The following EP300 variants were observed in gnomAD, a reference collection of about 807,000 sequenced individuals.
The protein encoded by EP300 is histone acetyltransferase p300.
A neutral mutation model predicts 264.0 loss-of-function variants in EP300; 31 were observed. The ratio of observed to expected loss-of-function variants is 0.12; its 90% CI spans 0.09 to 0.16. The LOEUF (loss-of-function observed/expected upper bound fraction) is 0.16, where lower values mean the gene tolerates loss of function less well. Ranked by LOEUF, EP300 falls within the 10% of genes least tolerant of loss-of-function variation. The pLI is 1.00. For synonymous variants in EP300, 1,340 were observed against 1,045.4 expected, an observed-to-expected ratio of 1.28 and a Z score of -5.44; for missense variants, 2,766 against 3,052.9, an observed-to-expected ratio of 0.91 and a Z score of 2.21.
chr22:41,160,536 T>C, intron 19 of EP300, 106 bp from the exon 20 acceptor site: 2 of 948,752 alleles, frequency 2.1e-6, no homozygotes, highest in Non-Finnish European at 3.4e-6. Flanking sequence ...TGCTCTCTGC[T>C]CCCGTCCCCC....
chr22:41,167,582 GTGTA>G (rs1452940891), intron 23 of EP300, among the ~76,000 whole-genome samples: 34 of 21,676 alleles, frequency 1.6e-3, no homozygotes, highest in African/African-American at 3.0e-3. Flanking sequence ...GTGTGTGTGT[GTGTA>G]TATATATATA....
At chr22:41,152,494 T>C in intron 16 of EP300, 144 bp downstream of exon 16, 1 of 877,336 alleles carries the variant, frequency 1.1e-6, no homozygotes, top group Non-Finnish European at 1.7e-6. Context: ...GTCTCTTCAT[T>C]GTTACTAATA....
chr22:41,165,582 C>G (rs954052242), intron 22 of EP300, among the ~76,000 whole-genome samples: 4 of 151,740 alleles, frequency 2.6e-5, no homozygotes. Context: ...TGCCACCATG[C>G]CCGGCTAATT....
rs372523012 is a variant in EP300, at chr22:41,150,839, C to T, written c.2817+641C>T. ...CTGGGAGGTGGAGGTTGCAGTGATC[C>T]GAGATTGCGCCACTGCACTCTAGCC... On this transcript the variant is annotated intron_variant, in intron 14 of 30. Transcript: ENST00000263253. Among the ~76,000 whole-genome samples, 6 of 151,042 alleles carry T rather than the reference C, an allele frequency of 4.0e-5. 1 individual carries two copies. In the South Asian group the frequency reaches 1.0e-3, roughly 26 times the overall value.
Position 41,178,395 on chromosome 22 carries a change from G to GCATCACATGCAA in EP300, c.6687_6698dup (p.His2229_Gln2232dup), listed in dbSNP as rs771676709. The GCATCACATGCAA allele has an allele frequency of 6.2e-7, 1 of 1,614,062 alleles. No individual in the cohort carries two copies. Among genetic ancestry groups the GCATCACATGCAA allele is most frequent in the Non-Finnish European group, 8.5e-7 (1 of 1,180,048 alleles). ...CACCACAGCAGCAGCAGCGGATGCA[G>GCATCACATGCAA]CATCACATGCAACAGATGCAACAAG... On this transcript the variant is annotated inframe_insertion, in exon 31 of 31. Transcript: ENST00000263253.
At chr22:41,135,738 T>A in intron 6 of EP300, 75 bp from the exon 7 acceptor site, 1 of 1,168,772 alleles carries the variant, frequency 8.6e-7, no homozygotes, top group South Asian at 1.3e-5. Context: ...GTCATTTGTT[T>A]CTTAACTTTA....
chr22:41,140,115 C>T (rs770810183), intron 8 of EP300, 25 bp from the exon 9 acceptor site: 5 of 1,488,366 alleles, frequency 3.4e-6, no homozygotes, highest in South Asian at 1.1e-5. Context: ...CATGATATTA[C>T]AGTGGTAGGA....
chr22:41,145,523 G>A (rs2413637), intron 10 of EP300, among the ~76,000 whole-genome samples: 1 of 152,072 alleles, frequency 6.6e-6, no homozygotes, highest in South Asian at 2.1e-4. Flanking sequence ...TGTCCTTTCC[G>A]AGGGTGCTGT....
chr22:41,151,566 A>T (rs1238077639), intron 14 of EP300, among the ~76,000 whole-genome samples: 1 of 152,178 alleles, frequency 6.6e-6, no homozygotes, highest in African/African-American at 2.4e-5. Context: ...ATCCCCACAC[A>T]CTGCCAGATA....
At chr22:41,162,431 C>T (rs2059113170) in intron 20 of EP300, among the ~76,000 whole-genome samples, 1 of 152,104 alleles carries the variant, frequency 6.6e-6, no homozygotes, top group Non-Finnish European at 1.5e-5. Flanking sequence ...TGATACCTAA[C>T]ACCAAGAATA....
chr22:41,147,654 T>C (rs1020471144), intron 11 of EP300, among the ~76,000 whole-genome samples, 183 bp from the exon 12 acceptor site: 2 of 151,454 alleles, frequency 1.3e-5, no homozygotes, highest in African/African-American at 4.9e-5. Flanking sequence ...AGGAGAATGG[T>C]GTGAACCCAG....
intron 5 of EP300, 137 bp from the exon 6 acceptor site, chr22:41,131,251 A>G: frequency 1.0e-6 from 1 of 1,000,402 alleles, no homozygotes. Flanking sequence ...TCCAGGAAAT[A>G]ATGGAAGACA....
intron 10 of EP300, among the ~76,000 whole-genome samples, chr22:41,141,978 A>G (rs1034562445): frequency 2.6e-5 from 4 of 152,156 alleles, no homozygotes; most frequent in African/African-American, 9.7e-5. Flanking sequence ...CTCCCTGCCT[A>G]GAAGCATCAT....
rs1432986687 is a variant in EP300 at position 41,092,789 on chromosome 22, C to T, written c.-216C>T. On this transcript the variant is annotated 5_prime_UTR_variant, in exon 1 of 31. Coordinates refer to ENST00000263253, the MANE Select transcript of EP300 (RefSeq NM_001429.4). ...CCCTCCTCCGGGCTTGGGCCCAGGC[C>T]CGGCCCCTCGCACTTGCCCTTACCT... 1.1e-5 allele frequency: 7 copies of T among 637,764 alleles called. No homozygotes were observed. The highest frequency in any genetic ancestry group is 2.0e-5 in the Non-Finnish European group (7 of 352,486). The allele number at this position is 637,764 out of a possible 1,614,324, so 39.5% of individuals were successfully genotyped here.
rs2058917809 is a variant in EP300, at chr22:41,131,312, G to T, written c.1283-76G>T. The T allele has an allele frequency of 3.3e-6, 5 of 1,494,456 alleles. No homozygotes were observed. The South Asian group carries it at 5.7e-5, about 17-fold the overall frequency. 92.6% of individuals were successfully genotyped at this position (1,494,456 alleles called of 1,614,324 possible). A position where few individuals can be genotyped will look rare whatever the true frequency, so the allele number is the denominator to read the frequency against. On this transcript the variant is annotated intron_variant, in intron 5 of 30. Transcript: ENST00000263253. ...AATCACGTAACAATAATTTTGTGGG[G>T]TTTTTTATTAGACATGTTAGTCTTT...
intron 19 of EP300, 127 bp downstream of exon 19, chr22:41,158,627 G>A (rs1222661400): frequency 9.0e-6 from 7 of 776,992 alleles, no homozygotes; most frequent in Non-Finnish European, 1.3e-5. Context: ...TATAGCACAA[G>A]TTCTGTTTTT....
At chr22:41,162,591 C>CAT in intron 20 of EP300, 132 bp from the exon 21 acceptor site, 1 of 693,914 alleles carries the variant, frequency 1.4e-6, no homozygotes, top group South Asian at 1.6e-5. Context: ...GCCAAGAATA[C>CAT]ACCTATTTAA....
At chr22:41,128,077 G>T (rs1400548263) in intron 4 of EP300, among the ~76,000 whole-genome samples, 1 of 152,126 alleles carries the variant, frequency 6.6e-6, no homozygotes, top group Non-Finnish European at 1.5e-5. Context: ...GAGGAAGGAG[G>T]ATTGCTTGAG....
intron 1 of EP300, among the ~76,000 whole-genome samples, chr22:41,107,443 C>T (rs1286972307): frequency 6.7e-6 from 1 of 149,758 alleles, no homozygotes; most frequent in East Asian, 1.9e-4. Context: ...AAAAGTGTAA[C>T]TGTGAGAGAT....
Sources: allele counts gnomAD v4.1 joint callset (sites outside exome capture counted in the v4.1 genomes callset), GRCh38; gene constraint gnomAD v4.1.1; transcripts MANE v1.5; gene names NCBI Gene and HGNC (gene_info 2026-07-23, HGNC 2026-07-21).